Variants in CTXN2 observed in about 807,000 individuals in gnomAD.
The protein encoded by CTXN2 is cortexin 2.
A neutral mutation model predicts 5.7 loss-of-function variants in CTXN2; 3 were observed. The observed-to-expected ratio is 0.53, with a 90% CI of 0.24 to 1.36. CTXN2 has a LOEUF of 1.36. Among genes scored for constraint, CTXN2 ranks in the 40% most tolerant of loss-of-function variants. CTXN2 has a pLI of 0.17. For synonymous variants in CTXN2, 38 were observed against 36.4 expected, an observed-to-expected ratio of 1.04 and a Z score of -0.16; for missense variants, 87 against 93.0, an observed-to-expected ratio of 0.94 and a Z score of 0.26.
intron 1 of CTXN2, among the ~76,000 whole-genome samples, chr15:48,195,119 C>T (rs925144537): frequency 7.9e-5 from 12 of 152,230 alleles, no homozygotes; most frequent in African/African-American, 2.9e-4. Flanking sequence ...CAGAAATAAA[C>T]TTGTCATTTA....
intron 1 of CTXN2, 62 bp from the exon 2 acceptor site, chr15:48,201,182 A>G (rs2040925418): frequency 9.9e-7 from 1 of 1,015,020 alleles, no homozygotes; most frequent in Admixed American, 2.8e-5. Flanking sequence ...GATTTTATTA[A>G]GCAACAACCT....
chr15:48,189,003 T>C (rs1482909772), upstream of CTXN2: 1 of 152,220 alleles, frequency 6.6e-6, no homozygotes, highest in Non-Finnish European at 1.5e-5. Flanking sequence ...TCATTTATCT[T>C]TGTATCTCAG....
Position 48,193,133 on chromosome 15 carries a change from G to A in CTXN2, c.-58+1280G>A, listed in dbSNP as rs1234715184. 3.9e-5 allele frequency among the ~76,000 whole-genome samples: 6 copies of A among 152,192 alleles called. No homozygotes were observed. The East Asian group carries it at 7.7e-4, about 20-fold the overall frequency. On this transcript the variant is annotated intron_variant, in intron 1 of 1. Transcript: ENST00000417307. ...CAACTTCATGAGATTTGGGCTATTTGATATCTACAGGAACACCCCTGGCCC... is the reference window on the plus strand; with the variant it reads ...CAACTTCATGAGATTTGGGCTATTTAATATCTACAGGAACACCCCTGGCCC...
rs1159837202 is a variant in CTXN2, at chr15:48,178,482, G to A, written c.-455+82G>A. On this transcript the variant is annotated intron_variant, in intron 1 of 2. Transcript: ENST00000644354. ...GGTCAGGGCCGCTGTTGCTGCAGTC[G>A]GCCCTACACCTGCCTGGGAGGGCTG... 6.8e-6 allele frequency: 3 copies of A among 438,488 alleles called. No individual in the cohort carries two copies. In the East Asian group the frequency reaches 1.2e-4, roughly 17 times the overall value. 27.2% of individuals were successfully genotyped at this position (438,488 alleles called of 1,614,324 possible). A position where few individuals can be genotyped will look rare whatever the true frequency, so the allele number is the denominator to read the frequency against.
chr15:48,198,739 G>C (rs901532070), intron 1 of CTXN2, among the ~76,000 whole-genome samples: 4 of 152,132 alleles, frequency 2.6e-5, no homozygotes, highest in African/African-American at 9.7e-5. Context: ...TTAATCACTG[G>C]TTAAGAGCCA....
At chr15:48,198,376 A>T (rs1481937817) in intron 1 of CTXN2, among the ~76,000 whole-genome samples, 1 of 152,188 alleles carries the variant, frequency 6.6e-6, no homozygotes, top group African/African-American at 2.4e-5. Flanking sequence ...CAAAAAATAT[A>T]TTCTTCAAAA....
intron 1 of CTXN2, among the ~76,000 whole-genome samples, chr15:48,198,454 G>T (rs1267062964): frequency 6.6e-6 from 1 of 152,058 alleles, no homozygotes; most frequent in Non-Finnish European, 1.5e-5. Flanking sequence ...TGATCACTAT[G>T]TGAGAAGTAA....
intron 1 of CTXN2, among the ~76,000 whole-genome samples, chr15:48,194,798 CT>C (rs1210575917): frequency 6.6e-6 from 1 of 152,124 alleles, no homozygotes; most frequent in African/African-American, 2.4e-5. Flanking sequence ...ACAAGTCCAT[CT>C]GGCTTCCTAC....
chr15:48,191,652 G>T (rs2140977272), upstream of CTXN2: 1 of 443,488 alleles, frequency 2.3e-6, no homozygotes, highest in Non-Finnish European at 4.6e-6. Context: ...TTCGGCGGGC[G>T]CCCACGTCCT....
At chr15:48,193,431 C>A (rs141908766) in intron 1 of CTXN2, among the ~76,000 whole-genome samples, 1,642 of 152,106 alleles carry the variant, frequency 0.011, 38 homozygotes, top group African/African-American at 0.038. Flanking sequence ...TTTACCACTA[C>A]CCAATTTTAC....
chr15:48,181,160 T>A (rs1367296891), intron 1 of CTXN2, among the ~76,000 whole-genome samples: 1 of 152,234 alleles, frequency 6.6e-6, no homozygotes. Flanking sequence ...GAAATAATAG[T>A]GTCTTAAGCA....
chr15:48,189,061 T>C (rs916899461), upstream of CTXN2: 3 of 152,196 alleles, frequency 2.0e-5, no homozygotes, highest in African/African-American at 7.2e-5. Context: ...TCCATTATGC[T>C]TTCCTGAATA....
chr15:48,191,588 C>A (rs933224410), upstream of CTXN2: 8 of 410,678 alleles, frequency 1.9e-5, no homozygotes, highest in Non-Finnish European at 3.9e-5. Flanking sequence ...TACACACTGC[C>A]ACACCGAAGA....
At chr15:48,180,314 A>C (rs1476178485) in intron 1 of CTXN2, among the ~76,000 whole-genome samples, 5 of 152,230 alleles carry the variant, frequency 3.3e-5, no homozygotes, top group Non-Finnish European at 7.3e-5. Flanking sequence ...GGATCTTAAA[A>C]GACAAAGAAT....
rs1291399915 is a variant in CTXN2, at chr15:48,202,991, C to T, written c.*1445C>T. The T allele has an allele frequency of 2.4e-5, 4 of 166,676 alleles. No homozygotes were observed. The highest frequency in any genetic ancestry group is 1.9e-4 in the East Asian group (1 of 5,202). The allele number at this position is 166,676 out of a possible 1,614,324, so 10.3% of individuals were successfully genotyped here. A position where few individuals can be genotyped will look rare whatever the true frequency, so the allele number is the denominator to read the frequency against. ...CCAAGAGGTAGCACTAAGTTAGTTA[C>T]TTTCAATTTATTTGATACTCTTATA... On this transcript the variant is annotated 3_prime_UTR_variant, in exon 2 of 2. Coordinates refer to ENST00000417307, the MANE Select transcript of CTXN2 (RefSeq NM_001145668.2).
chr15:48,181,855 GC>G (rs2040703945), intron 1 of CTXN2, among the ~76,000 whole-genome samples: 1 of 151,036 alleles, frequency 6.6e-6, no homozygotes, highest in Admixed American at 6.6e-5. Context: ...TATATAAATT[GC>G]TGGATTTGAA....
chr15:48,193,055 G>A (rs2040839754), intron 1 of CTXN2, among the ~76,000 whole-genome samples: 1 of 152,134 alleles, frequency 6.6e-6, no homozygotes, highest in Non-Finnish European at 1.5e-5. Context: ...TGATTTGTAA[G>A]TACTGATCAT....
At chr15:48,187,746 T>C (rs984962860), upstream of CTXN2, among the ~76,000 whole-genome samples, 43 of 152,208 alleles carry the variant, frequency 2.8e-4, no homozygotes, top group Admixed American at 2.8e-3. Context: ...AGTTGGGCTA[T>C]CATGCTTTCT....
chr15:48,181,521 A>G (rs2058154084), intron 1 of CTXN2, among the ~76,000 whole-genome samples: 1 of 152,224 alleles, frequency 6.6e-6, no homozygotes, highest in Admixed American at 6.5e-5. Context: ...GGGTTCTGTT[A>G]CCAATGAAGA....
Sources: gnomAD v4.1 joint callset for allele counts (sites outside exome capture counted in the v4.1 genomes callset) on GRCh38, gnomAD v4.1.1 for gene constraint, MANE v1.5 for transcripts, NCBI Gene and HGNC (gene_info 2026-07-23, HGNC 2026-07-21) for gene names.